Variants in TRDN observed in about 807,000 individuals in gnomAD.
The protein encoded by TRDN is triadin in skeletal muscle.
A neutral mutation model predicts 149.7 loss-of-function variants in TRDN; 161 were observed. The observed-to-expected ratio is 1.08, with a 90% CI of 0.95 to 1.23. The LOEUF (loss-of-function observed/expected upper bound fraction) is 1.23. Among genes scored for constraint, TRDN ranks in the 50% most tolerant of loss-of-function variants. The probability of loss-of-function intolerance (pLI) is 0.00; values close to 1 mark genes in which losing one functional copy is unlikely to be tolerated. For synonymous variants in TRDN, 294 were observed against 250.5 expected (o/e 1.17, Z -1.64); for missense variants, 896 against 823.5 (o/e 1.09, Z -1.08).
intron 24 of TRDN, among the ~76,000 whole-genome samples, chr6:123,285,284 C>A (rs1407220893): frequency 6.6e-6 from 1 of 152,088 alleles, no homozygotes; most frequent in African/African-American, 2.4e-5. Flanking sequence ...TACATGATTT[C>A]AAACTATATT....
chr6:123,347,644 T>C (rs937543421), intron 21 of TRDN, among the ~76,000 whole-genome samples: 1 of 152,060 alleles, frequency 6.6e-6, no homozygotes, highest in East Asian at 1.9e-4. Flanking sequence ...TGTTGATTGA[T>C]TGTACTTGCA....
chr6:123,252,867 A>C (rs1776421565), intron 37 of TRDN, among the ~76,000 whole-genome samples: 1 of 152,162 alleles, frequency 6.6e-6, no homozygotes, highest in African/African-American at 2.4e-5. Context: ...AAAGTGTCAC[A>C]AAATATTTAT....
chr6:123,281,012 T>C (rs1295933871), intron 24 of TRDN, among the ~76,000 whole-genome samples: 5 of 152,040 alleles, frequency 3.3e-5, no homozygotes, highest in Admixed American at 3.3e-4. Flanking sequence ...AAAATGAATG[T>C]AGAAAAATAT....
intron 1 of TRDN, among the ~76,000 whole-genome samples, chr6:123,594,671 A>G (rs1251773529): frequency 6.6e-6 from 1 of 152,044 alleles, no homozygotes; most frequent in African/African-American, 2.4e-5. Flanking sequence ...TTATTCAACA[A>G]AATCCACTAC....
At position 123,547,379 on chromosome 6, in the gene TRDN, C is replaced by A. The variant is rs1781166753; in HGVS notation, c.392-7G>T. On this transcript the variant is annotated splice_polypyrimidine_tract_variant and splice_region_variant and intron_variant, in intron 3 of 40. Coordinates refer to ENST00000334268, the MANE Select transcript of TRDN (RefSeq NM_006073.4). ...GGAGGCTCATCTATTTCTCCTAGAC[C>A]AAGATTAAAAGAAAAACAAAGTTAG... The A allele has an allele frequency of 4.2e-6, 6 of 1,428,764 alleles. No homozygotes were observed. Among genetic ancestry groups the A allele is most frequent in the Non-Finnish European group, 5.6e-6 (6 of 1,080,732 alleles). The allele number at this position is 1,428,764 out of a possible 1,614,324, so 88.5% of individuals were successfully genotyped here.
chr6:123,350,850 A>C, intron 21 of TRDN: 1 of 983,794 alleles, frequency 1.0e-6, no homozygotes, highest in Non-Finnish European at 1.2e-6. Context: ...TTAATAAGAT[A>C]AAAGAAGATT....
At chr6:123,463,382 A>T (rs1776592523) in intron 10 of TRDN, among the ~76,000 whole-genome samples, 1 of 151,226 alleles carries the variant, frequency 6.6e-6, no homozygotes, top group Non-Finnish European at 1.5e-5. Context: ...TAAATAAATA[A>T]ATAAATACAA....
intron 1 of TRDN, among the ~76,000 whole-genome samples, chr6:123,579,873 A>G (rs1783037047): frequency 6.6e-6 from 1 of 151,780 alleles, no homozygotes; most frequent in Non-Finnish European, 1.5e-5. Flanking sequence ...CCCCTCCCTC[A>G]CTCAGCACTT....
At chr6:123,221,858 A>T (rs1211740025) in intron 39 of TRDN, among the ~76,000 whole-genome samples, 1 of 151,740 alleles carries the variant, frequency 6.6e-6, no homozygotes, top group Non-Finnish European at 1.5e-5. Context: ...TGATGCTCAG[A>T]ATTACAATTT....
At chr6:123,442,095 G>C (rs1394184516) in intron 10 of TRDN, 2 of 152,192 alleles carry the variant, frequency 1.3e-5, no homozygotes, top group East Asian at 1.9e-4. Flanking sequence ...GTGATTATTA[G>C]AGTTGTCCCA....
chr6:123,237,569 CACTT>C (rs1212835147), intron 38 of TRDN, among the ~76,000 whole-genome samples: 3 of 152,152 alleles, frequency 2.0e-5, no homozygotes, highest in Non-Finnish European at 2.9e-5. Context: ...TTTTGAAACT[CACTT>C]ACTAATTCCA....
chr6:123,346,284 G>T (rs1780243207), intron 21 of TRDN, among the ~76,000 whole-genome samples: 1 of 151,944 alleles, frequency 6.6e-6, no homozygotes, highest in African/African-American at 2.4e-5. Flanking sequence ...TATTCATAGG[G>T]TCATGTGTTT....
intron 39 of TRDN, among the ~76,000 whole-genome samples, chr6:123,222,110 G>A (rs990852977): frequency 6.6e-6 from 1 of 151,524 alleles, no homozygotes; most frequent in Non-Finnish European, 1.5e-5. Flanking sequence ...CCTTTCTTCC[G>A]ATTAGAAGTT....
At chr6:123,420,868 A>G (rs2114540926) in intron 12 of TRDN, among the ~76,000 whole-genome samples, 1 of 152,356 alleles carries the variant, frequency 6.6e-6, no homozygotes, top group Admixed American at 6.5e-5. Context: ...TTGTTGTTAA[A>G]TGCCAAAAGG....
chr6:123,629,259 T>G (rs1785840519), intron 1 of TRDN, among the ~76,000 whole-genome samples: 1 of 152,160 alleles, frequency 6.6e-6, no homozygotes, highest in Admixed American at 6.6e-5. Context: ...GCTAAATATG[T>G]ATTTTGAACG....
Position 123,366,173 on chromosome 6 carries a change from C to T in TRDN, c.1283G>A (p.Arg428Gln), listed in dbSNP as rs371336992. 17 of 1,612,788 alleles carry T rather than the reference C, an allele frequency of 1.1e-5. No individual in the cohort carries two copies. The highest frequency in any genetic ancestry group is 1.7e-4 in the Middle Eastern group (1 of 6,052). Reference sequence around the variant, plus strand: ...AACCGCACCAATCTCCTCTTTGGCTCGTTCAGTTTCTGCAAGTTCAGATAT... The same window carrying T: ...AACCGCACCAATCTCCTCTTTGGCTTGTTCAGTTTCTGCAAGTTCAGATAT... ...SDKQVKAKTE[R>Q]AKEEIGAVSI... Residue 428 changes from arginine to glutamine, a missense_variant, in exon 20 of 41, where the codon CGA becomes CAA. By Grantham distance (43) the Arg-to-Gln change is conservative. Transcript: ENST00000334268.
In TRDN at chr6:123,340,060, C is replaced by T. The variant is rs112910472; in HGVS notation, c.1370-2391G>A. On this transcript the variant is annotated intron_variant, in intron 21 of 40. Transcript: ENST00000334268. ...AAGTTATGGGCCTGAGTATATTTAA[C>T]CAAAAATAAATAGCAAAGAGCTTTT... Among the ~76,000 whole-genome samples, 1,016 of 152,106 alleles carry T rather than the reference C, an allele frequency of 6.7e-3. 10 individuals carry two copies. Among genetic ancestry groups the T allele is most frequent in the African/African-American group, 0.023 (967 of 41,520 alleles).
chr6:123,463,633 T>C (rs1159738998), intron 10 of TRDN, among the ~76,000 whole-genome samples: 1 of 152,056 alleles, frequency 6.6e-6, no homozygotes, highest in Non-Finnish European at 1.5e-5. Flanking sequence ...AAGGCAACGC[T>C]ATTATTTATA....
At chr6:123,402,224 A>G (rs1375977660) in intron 12 of TRDN, among the ~76,000 whole-genome samples, 1 of 152,200 alleles carries the variant, frequency 6.6e-6, no homozygotes, top group Non-Finnish European at 1.5e-5. Flanking sequence ...ACTTAAGAGT[A>G]TGTTTTTTGT....
Sources: gnomAD v4.1 joint callset for allele counts (sites outside exome capture counted in the v4.1 genomes callset) on GRCh38, gnomAD v4.1.1 for gene constraint, MANE v1.5 for transcripts, NCBI Gene and HGNC (gene_info 2026-07-23, HGNC 2026-07-21) for gene names.